GRIA4: variants seen among roughly 807,000 people sequenced by gnomAD.
GRIA4 encodes the protein glutamate receptor 4.
A neutral mutation model predicts 104.0 loss-of-function variants in GRIA4; 34 were observed. That is an observed-to-expected ratio of 0.33 (90% CI 0.25 to 0.44). The LOEUF (loss-of-function observed/expected upper bound fraction) is 0.44, where lower values mean the gene tolerates loss of function less well. GRIA4 is among the 20% of genes least tolerant of loss of function. The pLI, the probability that GRIA4 is intolerant of heterozygous loss-of-function variation, is 1.00. For missense variants in GRIA4, 750 were observed against 1,096.5 expected, an observed-to-expected ratio of 0.68 and a Z score of 4.46; for synonymous variants, 386 against 381.9, an observed-to-expected ratio of 1.01 and a Z score of -0.13.
chr11:105,725,041 G>T (rs1489990277), intron 3 of GRIA4, among the ~76,000 whole-genome samples: 1 of 152,004 alleles, frequency 6.6e-6, no homozygotes, highest in Admixed American at 6.6e-5. Flanking sequence ...ATCTCTCTGA[G>T]CTTTAGTTTC....
At chr11:105,666,313 C>T (rs1952163777) in intron 3 of GRIA4, among the ~76,000 whole-genome samples, 2 of 151,938 alleles carry the variant, frequency 1.3e-5, no homozygotes, top group African/African-American at 2.4e-5. Context: ...AGGTACTATG[C>T]TTACAATAAA....
intron 3 of GRIA4, among the ~76,000 whole-genome samples, chr11:105,659,869 A>G (rs1304916144): frequency 6.6e-6 from 1 of 151,892 alleles, no homozygotes; most frequent in Non-Finnish European, 1.5e-5. Context: ...ACTTAAAACA[A>G]AAATTTCTAA....
chr11:105,743,648 C>G (rs894320496), intron 3 of GRIA4, among the ~76,000 whole-genome samples: 1 of 152,146 alleles, frequency 6.6e-6, no homozygotes, highest in Admixed American at 6.6e-5. Context: ...CAGCTAGACA[C>G]CTGGGACCTC....
intron 4 of GRIA4, among the ~76,000 whole-genome samples, chr11:105,789,165 A>G (rs1942106025): frequency 6.6e-6 from 1 of 152,198 alleles, no homozygotes; most frequent in South Asian, 2.1e-4. Flanking sequence ...CATCACAGAT[A>G]GAACTGGTAA....
intron 4 of GRIA4, among the ~76,000 whole-genome samples, chr11:105,816,512 T>C (rs938654925): frequency 1.3e-5 from 2 of 152,166 alleles, no homozygotes; most frequent in African/African-American, 2.4e-5. Context: ...TCTGCTATGA[T>C]TGTAAGCTTC....
intron 4 of GRIA4, among the ~76,000 whole-genome samples, chr11:105,830,187 A>T (rs1943923428): frequency 6.6e-6 from 1 of 151,998 alleles, no homozygotes; most frequent in African/African-American, 2.4e-5. Flanking sequence ...ATGGGCAGTG[A>T]GGTGACAGAC....
At chr11:105,915,323 C>A (rs751158515) in intron 10 of GRIA4, among the ~76,000 whole-genome samples, 1 of 152,116 alleles carries the variant, frequency 6.6e-6, no homozygotes, top group African/African-American at 2.4e-5. Context: ...AAGCTGAAGC[C>A]TTTTCTAGTC....
intron 3 of GRIA4, among the ~76,000 whole-genome samples, chr11:105,688,142 A>C (rs1591563698): frequency 1.4e-4 from 9 of 64,460 alleles, no homozygotes; most frequent in African/African-American, 4.3e-4. Context: ...CTATATCTAT[A>C]TCTATATCTA....
Position 105,678,362 on chromosome 11 carries a change from GT to G in GRIA4, c.247+65929del, listed in dbSNP as rs147171154. Reference sequence around the variant, plus strand: ...TCCTTACCCATTATCTTCACTGTTAGTAAGCAAGTATTTCAGAAGATTAAAG... The same window carrying G: ...TCCTTACCCATTATCTTCACTGTTAGAAGCAAGTATTTCAGAAGATTAAAG... On this transcript the variant is annotated intron_variant, in intron 3 of 16. Coordinates refer to ENST00000282499, the MANE Select transcript of GRIA4 (RefSeq NM_000829.4). 8.0e-3 allele frequency among the ~76,000 whole-genome samples: 1,214 copies of G among 152,090 alleles called. 16 individuals are homozygous for G. The highest frequency in any genetic ancestry group is 0.044 in the East Asian group (228 of 5,174).
intron 14 of GRIA4, among the ~76,000 whole-genome samples, chr11:105,959,925 T>A (rs1177361648): frequency 1.3e-5 from 2 of 152,200 alleles, no homozygotes; most frequent in Non-Finnish European, 2.9e-5. Context: ...TTCATCTGAT[T>A]TGCTCCTGTG....
At chr11:105,887,449 G>A in intron 5 of GRIA4, 70 bp from the exon 6 acceptor site, 1 of 680,148 alleles carries the variant, frequency 1.5e-6, no homozygotes, top group Non-Finnish European at 2.5e-6. Context: ...TGCTAAAATA[G>A]ATAATAATTT....
chr11:105,734,646 T>C (rs1215667611), intron 3 of GRIA4, among the ~76,000 whole-genome samples: 2 of 152,156 alleles, frequency 1.3e-5, no homozygotes, highest in African/African-American at 4.8e-5. Context: ...TTCAGCCTTA[T>C]CACTCACCAC....
At chr11:105,746,197 T>C (rs1285528341) in intron 3 of GRIA4, among the ~76,000 whole-genome samples, 3 of 152,000 alleles carry the variant, frequency 2.0e-5, no homozygotes, top group Admixed American at 2.0e-4. Flanking sequence ...ATCCTAGTTA[T>C]GAAGTAATAA....
intron 3 of GRIA4, among the ~76,000 whole-genome samples, chr11:105,624,069 T>A (rs1179901262): frequency 6.6e-6 from 1 of 152,116 alleles, no homozygotes; most frequent in Non-Finnish European, 1.5e-5. Context: ...AATGGGATAG[T>A]AGATCCAAAA....
intron 3 of GRIA4, among the ~76,000 whole-genome samples, chr11:105,702,524 G>T (rs1490671526): frequency 6.6e-6 from 1 of 151,126 alleles, no homozygotes; most frequent in Admixed American, 6.6e-5. Flanking sequence ...GATGGGAAAG[G>T]GCATGAAAAG....
intron 3 of GRIA4, among the ~76,000 whole-genome samples, chr11:105,742,599 T>TAC (rs199999235): frequency 0.013 from 1,683 of 124,804 alleles, 37 homozygotes; most frequent in African/African-American, 0.039. Flanking sequence ...TGAGTATATA[T>TAC]ATATATGTGT....
At chr11:105,969,707 T>G (rs548690265) in intron 14 of GRIA4, among the ~76,000 whole-genome samples, 14 of 152,250 alleles carry the variant, frequency 9.2e-5, no homozygotes, top group Middle Eastern at 3.4e-3. Flanking sequence ...ATAATATAGT[T>G]TAGCACCCAT....
At chr11:105,879,305 G>A (rs2136075468) in intron 5 of GRIA4, among the ~76,000 whole-genome samples, 1 of 152,312 alleles carries the variant, frequency 6.6e-6, no homozygotes, top group East Asian at 1.9e-4. Flanking sequence ...TGATCTCGAT[G>A]GGAGTGGCAG....
chr11:105,626,900 C>T (rs1950900165), intron 3 of GRIA4, among the ~76,000 whole-genome samples: 1 of 152,124 alleles, frequency 6.6e-6, no homozygotes. Flanking sequence ...GCTCATAGAG[C>T]TAGTTGAGTA....
Sources: gnomAD v4.1 joint callset for allele counts (sites outside exome capture counted in the v4.1 genomes callset) on GRCh38, gnomAD v4.1.1 for gene constraint, MANE v1.5 for transcripts, NCBI Gene and HGNC (gene_info 2026-07-23, HGNC 2026-07-21) for gene names.